The following VPS8 variants were observed in gnomAD, a reference collection of about 807,000 sequenced individuals.
The protein encoded by VPS8 is VPS8 subunit of CORVET complex.
In VPS8, 129 loss-of-function variants were observed where a neutral mutation model predicts 216.4. The observed-to-expected ratio is 0.60, with a 90% confidence interval of 0.52 to 0.69. The LOEUF is 0.69. Ranked by LOEUF, VPS8 falls within the 30% of genes least tolerant of loss-of-function variation. The pLI, the probability that VPS8 is intolerant of heterozygous loss-of-function variation, is 0.00. For synonymous variants in VPS8, 571 were observed against 565.4 expected (o/e 1.01, Z -0.14); for missense variants, 1,531 against 1,683.5 (o/e 0.91, Z 1.59).
intron 45 of VPS8, among the ~76,000 whole-genome samples, chr3:185,013,648 TCATAGTTTC>T (rs1755365371): frequency 6.6e-6 from 1 of 152,224 alleles, no homozygotes; most frequent in African/African-American, 2.4e-5. Flanking sequence ...TAAGAGCTAT[TCATAGTTTC>T]CACAAATCCT....
At chr3:184,858,386 A>G (rs1043637102) in intron 14 of VPS8, among the ~76,000 whole-genome samples, 1 of 152,240 alleles carries the variant, frequency 6.6e-6, no homozygotes, top group South Asian at 2.1e-4. Context: ...CATCTTGTTC[A>G]AGATACTTTT....
At chr3:185,024,058 A>T (rs1757023193) in intron 45 of VPS8, among the ~76,000 whole-genome samples, 1 of 152,152 alleles carries the variant, frequency 6.6e-6, no homozygotes. Context: ...ATCACCAAAG[A>T]TCTATTATCT....
At chr3:185,002,100 AAG>A (rs1753497871) in intron 45 of VPS8, among the ~76,000 whole-genome samples, 1 of 152,198 alleles carries the variant, frequency 6.6e-6, no homozygotes, top group Non-Finnish European at 1.5e-5. Context: ...GAGGGTCAGA[AAG>A]AGAGTGAAAT....
chr3:185,033,670 C>T (rs1174457121), intron 46 of VPS8, among the ~76,000 whole-genome samples: 1 of 152,220 alleles, frequency 6.6e-6, no homozygotes, highest in African/African-American at 2.4e-5. Flanking sequence ...TATGGTAAGA[C>T]TATCTTTACA....
intron 29 of VPS8, among the ~76,000 whole-genome samples, chr3:184,924,560 G>A (rs534865164): frequency 1.3e-5 from 2 of 152,096 alleles, no homozygotes; most frequent in South Asian, 4.2e-4. Context: ...AAGAATTACT[G>A]AGGGAAACGT....
chr3:185,049,914 C>T (rs1713810882), intron 47 of VPS8, among the ~76,000 whole-genome samples: 2 of 152,020 alleles, frequency 1.3e-5, no homozygotes, highest in African/African-American at 4.8e-5. Context: ...CTAGGGGTCT[C>T]CTGGATGCAG....
chr3:184,952,994 G>T lies in VPS8; in HGVS notation c.3036-4380G>T, dbSNP rs186749581. On this transcript the variant is annotated intron_variant, in intron 36 of 47. Coordinates refer to ENST00000625842, the MANE Select transcript of VPS8 (RefSeq NM_001009921.3). ...TGTTTTCTGTTTACTCCTTAGGAAAGAATTCTGGTTAAAGGTTAATAAGGG... is the reference window on the plus strand; with the variant it reads ...TGTTTTCTGTTTACTCCTTAGGAAATAATTCTGGTTAAAGGTTAATAAGGG... 9.5e-4 allele frequency among the ~76,000 whole-genome samples: 145 copies of T among 152,290 alleles called. 2 individuals carry two copies. Among genetic ancestry groups the T allele is most frequent in the African/African-American group, 3.3e-3 (137 of 41,558 alleles).
Position 184,815,022 on chromosome 3 carries a change from G to A in VPS8, c.-89+2797G>A, listed in dbSNP as rs73188815. ...AATTTTAATCTTTAAAAACGAAGAC[G>A]CAAACACACACATTACTCTAGGCCT... On this transcript the variant is annotated intron_variant, in intron 1 of 47. Transcript: ENST00000625842. 4.0e-3 allele frequency among the ~76,000 whole-genome samples: 606 copies of A among 151,990 alleles called. 2 individuals are homozygous for A. The highest frequency in any genetic ancestry group is 6.1e-3 in the Non-Finnish European group (413 of 67,984).
chr3:185,005,557 G>A (rs1189635286), intron 45 of VPS8, among the ~76,000 whole-genome samples: 1 of 152,106 alleles, frequency 6.6e-6, no homozygotes, highest in Admixed American at 6.5e-5. Context: ...TTTCAGCAGT[G>A]TTTTGTAGTT....
intron 4 of VPS8, among the ~76,000 whole-genome samples, chr3:184,834,440 G>A (rs1381077291): frequency 6.6e-6 from 1 of 151,964 alleles, no homozygotes; most frequent in Non-Finnish European, 1.5e-5. Context: ...CATGGCACAT[G>A]TATACATATG....
At chr3:184,880,224 A>T (rs891580038) in intron 21 of VPS8, among the ~76,000 whole-genome samples, 3 of 152,174 alleles carry the variant, frequency 2.0e-5, no homozygotes, top group African/African-American at 7.2e-5. Flanking sequence ...CATAACCAGG[A>T]TATTGATATT....
chr3:184,926,492 G>A, intron 30 of VPS8, 102 bp from the exon 31 acceptor site: 2 of 1,176,824 alleles, frequency 1.7e-6, no homozygotes, highest in South Asian at 1.5e-5. Context: ...ATGTCTGGGT[G>A]TGAATGAGTT....
intron 40 of VPS8, among the ~76,000 whole-genome samples, chr3:184,972,077 CA>C (rs56869818): frequency 0.68 from 94,316 of 139,386 alleles, 33,159 homozygotes; most frequent in East Asian, 0.83. Context: ...AACTCCATCT[CA>C]AAAAAAAAAA....
chr3:184,904,760 G>C (rs1391152951), intron 25 of VPS8, among the ~76,000 whole-genome samples: 6 of 152,164 alleles, frequency 3.9e-5, no homozygotes, highest in Non-Finnish European at 7.3e-5. Context: ...TTTTTTGGAA[G>C]AGTTTGTGTA....
intron 1 of VPS8, among the ~76,000 whole-genome samples, chr3:184,820,330 T>G (rs1294952677): frequency 1.3e-5 from 2 of 152,186 alleles, no homozygotes; most frequent in Admixed American, 1.3e-4. Context: ...CTGAGCCCTG[T>G]TCTCCGTGTT....
chr3:184,994,249 G>A (rs962375310), intron 43 of VPS8, among the ~76,000 whole-genome samples, 186 bp downstream of exon 43: 3 of 151,826 alleles, frequency 2.0e-5, no homozygotes, highest in African/African-American at 7.3e-5. Context: ...TACCTGTAAC[G>A]CCAGCACTTT....
At chr3:184,930,729 A>T (rs971797869) in intron 34 of VPS8, among the ~76,000 whole-genome samples, 161 bp downstream of exon 34, 7 of 152,222 alleles carry the variant, frequency 4.6e-5, no homozygotes, top group Non-Finnish European at 8.8e-5. Context: ...GTATTCATAA[A>T]GTCTGTGTCA....
chr3:184,839,584 A>G, intron 6 of VPS8, 114 bp from the exon 7 acceptor site: 1 of 962,216 alleles, frequency 1.0e-6, no homozygotes, highest in Non-Finnish European at 1.5e-6. Context: ...CTTATTTACA[A>G]TAGTTTGTAT....
rs542642875 is a variant in VPS8 at position 184,880,169 on chromosome 3, A to G, written c.1735-5941A>G. 6.6e-5 allele frequency among the ~76,000 whole-genome samples: 10 copies of G among 152,196 alleles called. No individual in the cohort carries two copies. The South Asian group carries it at 1.9e-3, about 28-fold the overall frequency. On this transcript the variant is annotated intron_variant, in intron 21 of 47. Transcript: ENST00000625842. ...AAAGTGATCCCATACCCTTAAACCA[A>G]TTTTCCCCAATAAGAGAACATCTCA...
Sources: gnomAD v4.1 joint callset for allele counts (sites outside exome capture counted in the v4.1 genomes callset) on GRCh38, gnomAD v4.1.1 for gene constraint, MANE v1.5 for transcripts, NCBI Gene and HGNC (gene_info 2026-07-23, HGNC 2026-07-21) for gene names.